CNTLN: variants seen among roughly 807,000 people sequenced by gnomAD.
CNTLN encodes centlein, centrosomal protein.
Under a neutral mutation model 180.0 loss-of-function variants are expected in CNTLN, and 212 were observed. The ratio of observed to expected loss-of-function variants is 1.18; its 90% CI spans 1.05 to 1.32. CNTLN has a LOEUF of 1.32. Ranked by LOEUF, CNTLN falls within the 40% of genes most tolerant of loss-of-function variation. CNTLN has a pLI of 0.00. For missense variants in CNTLN, 2,095 were observed against 1,610.9 expected, an observed-to-expected ratio of 1.30 and a Z score of -5.14; for synonymous variants, 722 against 563.1, an observed-to-expected ratio of 1.28 and a Z score of -3.99.
At position 17,394,714 on chromosome 9, in the gene CNTLN, G is replaced by A; in HGVS notation, c.2260G>A (p.Glu754Lys). 6.2e-7 allele frequency: 1 copy of A among 1,613,950 alleles called. No individual in the cohort carries two copies. The highest frequency in any genetic ancestry group is 8.5e-7 in the Non-Finnish European group (1 of 1,179,952). ...EQIIKGSKDVEKENTELQVKI... is the reference protein window; with the variant it reads ...EQIIKGSKDVKKENTELQVKI... ...GATAATAAAGGGGAGTAAAGATGTA[G>A]AAAAAGAAAATACTGAACTTCAAGT... Residue 754 changes from glutamate to lysine, a missense_variant, in exon 15 of 26, where the codon GAA becomes AAA. By Grantham distance (56) the Glu-to-Lys change is moderately conservative. Coordinates refer to ENST00000380647, the MANE Select transcript of CNTLN (RefSeq NM_017738.4).
chr9:17,227,060 C>A (rs1156739101), intron 3 of CNTLN, among the ~76,000 whole-genome samples: 3 of 151,722 alleles, frequency 2.0e-5, no homozygotes, highest in Non-Finnish European at 4.4e-5. Flanking sequence ...AACCATTTGA[C>A]CCAGCCATCC....
At chr9:17,393,089 T>G (rs1826233115) in intron 14 of CNTLN, among the ~76,000 whole-genome samples, 2 of 152,190 alleles carry the variant, frequency 1.3e-5, no homozygotes, top group African/African-American at 2.4e-5. Flanking sequence ...CAGTGTCTTG[T>G]GAGGACTCTC....
the CNTLN span, among the ~76,000 whole-genome samples, chr9:17,509,204 C>A: frequency 6.6e-6 from 1 of 152,294 alleles, no homozygotes; most frequent in East Asian, 1.9e-4. Flanking sequence ...ACTGAGTGCC[C>A]AATCTTTCAG....
chr9:17,142,081 C>CA (rs1818142113), intron 1 of CNTLN, among the ~76,000 whole-genome samples: 1 of 98,038 alleles, frequency 1.0e-5, no homozygotes, highest in East Asian at 3.0e-4. Context: ...GACTCTGTCT[C>CA]AGAAAAAAAA....
At chr9:17,495,806 G>A (rs549565198) in intron 25 of CNTLN, among the ~76,000 whole-genome samples, 91 of 152,120 alleles carry the variant, frequency 6.0e-4, no homozygotes, top group Middle Eastern at 3.4e-3. Context: ...TCCTATTCAC[G>A]GGTACCATTT....
chr9:17,142,622 T>G (rs1027584232), intron 1 of CNTLN, among the ~76,000 whole-genome samples: 1 of 152,102 alleles, frequency 6.6e-6, no homozygotes, highest in African/African-American at 2.4e-5. Context: ...GGGCCTGATA[T>G]GAGGTCACCT....
At chr9:17,348,516 C>G (rs1053882534) in intron 12 of CNTLN, among the ~76,000 whole-genome samples, 2 of 148,438 alleles carry the variant, frequency 1.3e-5, no homozygotes, top group Non-Finnish European at 3.0e-5. Context: ...ACTCTGCTTT[C>G]TTTCTTTCTT....
chr9:17,463,371 A>C (rs541720324), intron 20 of CNTLN, among the ~76,000 whole-genome samples: 1 of 151,778 alleles, frequency 6.6e-6, no homozygotes, highest in African/African-American at 2.4e-5. Context: ...AAGCTTATAA[A>C]GCTAAGGTAA....
chr9:17,490,239 G>C (rs1032287145), intron 25 of CNTLN, among the ~76,000 whole-genome samples: 22 of 152,150 alleles, frequency 1.4e-4, no homozygotes, highest in African/African-American at 5.3e-4. Flanking sequence ...AAGGTTCTAG[G>C]TAAGGGGCAG....
intron 11 of CNTLN, among the ~76,000 whole-genome samples, chr9:17,341,811 C>G (rs1428062061): frequency 6.6e-6 from 1 of 152,174 alleles, no homozygotes; most frequent in African/African-American, 2.4e-5. Context: ...TTTTGTATCA[C>G]TTGTCAGTAA....
At chr9:17,264,617 C>A in intron 5 of CNTLN, among the ~76,000 whole-genome samples, 1 of 152,184 alleles carries the variant, frequency 6.6e-6, no homozygotes, top group Non-Finnish European at 1.5e-5. Context: ...GACATTGAAT[C>A]TATAAATTAC....
chr9:17,260,361 TC>T (rs1366011208), intron 5 of CNTLN, among the ~76,000 whole-genome samples: 1 of 151,394 alleles, frequency 6.6e-6, no homozygotes, highest in African/African-American at 2.5e-5. Context: ...TAATTTCTGT[TC>T]TTTTACATTT....
intron 23 of CNTLN, among the ~76,000 whole-genome samples, chr9:17,477,114 C>G (rs759858490): frequency 6.6e-6 from 1 of 152,124 alleles, no homozygotes. Flanking sequence ...ACAACAAAGC[C>G]TAAATGACAA....
intron 7 of CNTLN, chr9:17,299,468 G>A (rs1056045107): frequency 1.0e-6 from 1 of 981,392 alleles, no homozygotes. Context: ...AAAAATCACT[G>A]TGAAAATCGA....
chr9:17,193,813 A>G (rs541107269), intron 2 of CNTLN, among the ~76,000 whole-genome samples: 69 of 152,170 alleles, frequency 4.5e-4, no homozygotes, highest in Non-Finnish European at 7.1e-4. Context: ...GTGTTGCTCT[A>G]TCAGAGGTTC....
At chr9:17,352,527 A>G (rs1822467600) in intron 12 of CNTLN, among the ~76,000 whole-genome samples, 1 of 151,824 alleles carries the variant, frequency 6.6e-6, no homozygotes, top group South Asian at 2.1e-4. Context: ...TATTTTGAAA[A>G]CAAATGTATT....
intron 2 of CNTLN, among the ~76,000 whole-genome samples, chr9:17,195,383 C>T (rs1400908355): frequency 6.6e-6 from 1 of 152,112 alleles, no homozygotes; most frequent in Non-Finnish European, 1.5e-5. Context: ...GCAGTGTGAT[C>T]TTTTCCTTGT....
At chr9:17,389,249 G>C (rs116739135) in intron 14 of CNTLN, among the ~76,000 whole-genome samples, 1,954 of 152,150 alleles carry the variant, frequency 0.013, 36 homozygotes, top group African/African-American at 0.045. Flanking sequence ...CAGAGAACTA[G>C]AAATGCTTAC....
chr9:17,460,349 A>G (rs1440337163), intron 19 of CNTLN, among the ~76,000 whole-genome samples: 2 of 151,758 alleles, frequency 1.3e-5, no homozygotes, highest in Admixed American at 6.6e-5. Flanking sequence ...ACTTTTTACC[A>G]TTGTGACATT....
Sources: gnomAD v4.1 joint callset for allele counts (sites outside exome capture counted in the v4.1 genomes callset) on GRCh38, gnomAD v4.1.1 for gene constraint, MANE v1.5 for transcripts, NCBI Gene and HGNC (gene_info 2026-07-23, HGNC 2026-07-21) for gene names.